Variants in FGF12 observed in about 807,000 individuals in gnomAD.
FGF12 encodes the protein fibroblast growth factor 12B.
Under a neutral mutation model 23.6 loss-of-function variants are expected in FGF12, and 14 were observed. That is an observed-to-expected ratio of 0.59 (90% CI 0.39 to 0.93). The LOEUF (loss-of-function observed/expected upper bound fraction) is 0.93, where lower values mean the gene tolerates loss of function less well. Among genes scored for constraint, FGF12 ranks in the 40% least tolerant of loss-of-function variants. The pLI is 0.00. For missense variants in FGF12, 175 were observed against 217.8 expected (o/e 0.80, Z 1.24); for synonymous variants, 62 against 77.3 (o/e 0.80, Z 1.04).
intron 2 of FGF12, among the ~76,000 whole-genome samples, chr3:192,725,284 G>GTT (rs34196239): frequency 0.022 from 3,089 of 143,434 alleles, 85 homozygotes; most frequent in African/African-American, 0.071. Context: ...CTTTCATCAT[G>GTT]TTTTTTTTTT....
At chr3:192,451,221 C>G (rs1254959403) in intron 2 of FGF12, among the ~76,000 whole-genome samples, 1 of 152,204 alleles carries the variant, frequency 6.6e-6, no homozygotes, top group Non-Finnish European at 1.5e-5. Flanking sequence ...CACTTCATAA[C>G]AATTTCTCAG....
intron 2 of FGF12, among the ~76,000 whole-genome samples, chr3:192,596,122 T>TATAATATAATATAATATAATATAAC (rs1553836847): frequency 1.4e-3 from 204 of 147,180 alleles, no homozygotes; most frequent in Middle Eastern, 3.6e-3. Flanking sequence ...TATAATATAA[T>TATAATATAATATAATATAATATAAC]ATAATATAAT....
At chr3:192,300,041 T>C (rs776225940) in intron 4 of FGF12, among the ~76,000 whole-genome samples, 2 of 152,194 alleles carry the variant, frequency 1.3e-5, no homozygotes, top group African/African-American at 4.8e-5. Context: ...ATTTTCTCTA[T>C]GGATTGTGTT....
At chr3:192,581,865 A>G (rs1276816646) in intron 2 of FGF12, among the ~76,000 whole-genome samples, 1 of 152,202 alleles carries the variant, frequency 6.6e-6, no homozygotes, top group Non-Finnish European at 1.5e-5. Context: ...ATTATCTTTA[A>G]TTACCTAAAA....
At chr3:192,723,698 T>C (rs1235111746) in intron 2 of FGF12, among the ~76,000 whole-genome samples, 1 of 151,954 alleles carries the variant, frequency 6.6e-6, no homozygotes, top group Non-Finnish European at 1.5e-5. Context: ...CAGAACTAAT[T>C]AAACTCACAT....
intron 2 of FGF12, among the ~76,000 whole-genome samples, chr3:192,581,328 G>T (rs568834329): frequency 3.3e-4 from 50 of 151,914 alleles, no homozygotes; most frequent in African/African-American, 1.1e-3. Flanking sequence ...AACTTTGGGA[G>T]GCTGAGGCAG....
intron 2 of FGF12, among the ~76,000 whole-genome samples, chr3:192,495,171 T>C (rs576674318): frequency 6.4e-4 from 98 of 152,286 alleles, no homozygotes; most frequent in African/African-American, 2.3e-3. Flanking sequence ...TAACACATTT[T>C]CTACAGTCTC....
intron 2 of FGF12, among the ~76,000 whole-genome samples, chr3:192,707,997 T>C (rs991614423): frequency 6.6e-6 from 1 of 152,172 alleles, no homozygotes; most frequent in Admixed American, 6.5e-5. Flanking sequence ...TCTCGCTCTG[T>C]CACCCAGGCT....
intron 2 of FGF12, among the ~76,000 whole-genome samples, chr3:192,671,680 C>T (rs1717125649): frequency 6.6e-6 from 1 of 152,018 alleles, no homozygotes; most frequent in Non-Finnish European, 1.5e-5. Context: ...AATGGGATAA[C>T]TCTTTATACC....
At position 192,622,813 on chromosome 3, in the gene FGF12, T is replaced by G. The variant is rs543471233; in HGVS notation, c.13+104368A>C. Among the ~76,000 whole-genome samples, 24 of 152,164 alleles carry G rather than the reference T, an allele frequency of 1.6e-4. No individual in the cohort carries two copies. In the East Asian group the frequency reaches 4.6e-3, roughly 29 times the overall value. ...ACACACAGACACAGACACACACACG[T>G]GGCTAAAGAAATCAAGGTTTTGTTG... is the stretch of plus-strand genomic sequence containing the variant. On this transcript the variant is annotated intron_variant, in intron 2 of 5. Transcript: ENST00000445105.
At chr3:192,236,358 T>C (rs1719298919) in intron 4 of FGF12, among the ~76,000 whole-genome samples, 1 of 152,204 alleles carries the variant, frequency 6.6e-6, no homozygotes, top group Non-Finnish European at 1.5e-5. Context: ...CAGTATTCTC[T>C]AGATGTCTCC....
intron 2 of FGF12, among the ~76,000 whole-genome samples, chr3:192,563,324 A>G (rs1712130583): frequency 3.3e-5 from 5 of 152,206 alleles, no homozygotes; most frequent in Admixed American, 3.3e-4. Flanking sequence ...CCAAGATTTA[A>G]TGGTTCTGGG....
intron 2 of FGF12, among the ~76,000 whole-genome samples, chr3:192,492,956 A>AT (rs766838831): frequency 0.023 from 2,825 of 121,588 alleles, 77 homozygotes; most frequent in African/African-American, 0.063. Flanking sequence ...AATTTTTGTA[A>AT]TTTTTTTTTT....
At chr3:192,435,858 A>G (rs959445402) in intron 2 of FGF12, among the ~76,000 whole-genome samples, 1 of 152,218 alleles carries the variant, frequency 6.6e-6, no homozygotes, top group Non-Finnish European at 1.5e-5. Flanking sequence ...CCTTGTTATC[A>G]CATTTTCAGA....
chr3:192,349,265 G>A (rs1027338037), intron 3 of FGF12, among the ~76,000 whole-genome samples: 1 of 152,062 alleles, frequency 6.6e-6, no homozygotes, highest in Non-Finnish European at 1.5e-5. Context: ...GGATATAGTA[G>A]AAATGAATTC....
Position 192,173,244 on chromosome 3 carries a change from A to G in FGF12, c.229-2588T>C, listed in dbSNP as rs1211996479. ...CTTTCTGAATGTACCAAAAACCACT[A>G]AAGCATGCATACATTTTTAAAATGT... On this transcript the variant is annotated intron_variant, in intron 4 of 5. Coordinates refer to ENST00000445105, the MANE Select transcript of FGF12 (RefSeq NM_004113.6). Among the ~76,000 whole-genome samples the G allele has an allele frequency of 2.0e-5, 3 of 150,974 alleles. 1 individual carries two copies. The highest frequency in any genetic ancestry group is 4.4e-5 in the Non-Finnish European group (3 of 67,640).
chr3:192,181,942 A>G lies in FGF12; in HGVS notation c.229-11286T>C, dbSNP rs115286522. 3.8e-4 allele frequency among the ~76,000 whole-genome samples: 58 copies of G among 152,274 alleles called. No homozygotes were observed. The East Asian group carries it at 6.9e-3, about 18-fold the overall frequency. On this transcript the variant is annotated intron_variant, in intron 4 of 5. Transcript: ENST00000445105. Reference sequence around the variant, plus strand: ...AAGAACTTTAAAACAGCCACTATAAATATGTTCTAGAGAAAACATATCTCA... The same window carrying G: ...AAGAACTTTAAAACAGCCACTATAAGTATGTTCTAGAGAAAACATATCTCA...
rs912454979 is a variant in FGF12 at position 192,583,604 on chromosome 3, G to GA, written c.13+143576dup. ...ATGTGAATCTTTCTAAAATGGATCA[G>GA]AAAAAAAAATGTGACTTTCAGACCC... is the stretch of plus-strand genomic sequence containing the variant. On this transcript the variant is annotated intron_variant, in intron 2 of 5. Transcript: ENST00000445105. Among the ~76,000 whole-genome samples, 75 of 151,012 alleles carry GA rather than the reference G, an allele frequency of 5.0e-4. 1 individual carries two copies. The highest frequency in any genetic ancestry group is 1.5e-3 in the African/African-American group (62 of 41,226).
intron 2 of FGF12, among the ~76,000 whole-genome samples, chr3:192,370,446 G>C (rs1719177897): frequency 6.6e-6 from 1 of 152,206 alleles, no homozygotes; most frequent in Admixed American, 6.5e-5. Flanking sequence ...GGGAGGCTGA[G>C]GTGGGAGGAT....
Sources: gnomAD v4.1 joint callset for allele counts (sites outside exome capture counted in the v4.1 genomes callset) on GRCh38, gnomAD v4.1.1 for gene constraint, MANE v1.5 for transcripts, NCBI Gene and HGNC (gene_info 2026-07-23, HGNC 2026-07-21) for gene names.